NALF1: variants seen among roughly 807,000 people sequenced by gnomAD.
NALF1 encodes NALCN channel auxiliary factor 1.
NALF1 carries 3 observed loss-of-function variants against 48.4 expected under a neutral mutation model. The ratio of observed to expected loss-of-function variants is 0.06; its 90% CI spans 0.03 to 0.16. NALF1 has a LOEUF of 0.16. Ranked by LOEUF, NALF1 falls within the 10% of genes least tolerant of loss-of-function variation. The pLI is 1.00. For missense variants in NALF1, 526 were observed against 571.5 expected (o/e 0.92, Z 0.81); for synonymous variants, 262 against 245.7 (o/e 1.07, Z -0.62).
intron 1 of NALF1, among the ~76,000 whole-genome samples, chr13:107,569,120 C>G (rs886836008): frequency 6.6e-6 from 1 of 152,056 alleles, no homozygotes; most frequent in African/African-American, 2.4e-5. Context: ...AGATACAGGT[C>G]AAAGTTTATC....
At chr13:107,768,676 C>T (rs906804880) in intron 1 of NALF1, among the ~76,000 whole-genome samples, 2 of 151,996 alleles carry the variant, frequency 1.3e-5, no homozygotes, top group South Asian at 4.2e-4. Context: ...GTAATACTAC[C>T]AATAACATTA....
intron 1 of NALF1, among the ~76,000 whole-genome samples, chr13:107,783,285 A>AG (rs1877973665): frequency 1.3e-5 from 1 of 79,208 alleles, no homozygotes; most frequent in African/African-American, 5.5e-5. Flanking sequence ...CCGGGAGGTG[A>AG]GGGGCGCCTC....
At chr13:107,472,085 A>C (rs1885109812) in intron 1 of NALF1, among the ~76,000 whole-genome samples, 1 of 152,312 alleles carries the variant, frequency 6.6e-6, no homozygotes, top group South Asian at 2.1e-4. Flanking sequence ...TAATCTCAGA[A>C]CTTTGGGAGG....
chr13:107,269,167 A>T (rs1032683778), intron 1 of NALF1, among the ~76,000 whole-genome samples: 4 of 83,140 alleles, frequency 4.8e-5, no homozygotes, highest in Non-Finnish European at 9.8e-5. Flanking sequence ...GTCTATGTTT[A>T]AAAAAAAAAA....
At chr13:107,706,013 G>A (rs1166319042) in intron 1 of NALF1, among the ~76,000 whole-genome samples, 2 of 152,150 alleles carry the variant, frequency 1.3e-5, no homozygotes, top group Non-Finnish European at 2.9e-5. Flanking sequence ...CTGAAGACCT[G>A]TCAAAAGCTT....
chr13:107,201,512 G>A (rs1224251253), intron 2 of NALF1, among the ~76,000 whole-genome samples: 1 of 152,124 alleles, frequency 6.6e-6, no homozygotes, highest in Admixed American at 6.5e-5. Context: ...GCGAGGGGGA[G>A]CTTCCAGTGA....
At chr13:107,382,166 T>A (rs936063373) in intron 1 of NALF1, among the ~76,000 whole-genome samples, 2 of 152,224 alleles carry the variant, frequency 1.3e-5, no homozygotes, top group African/African-American at 4.8e-5. Context: ...TTTATAACAT[T>A]TGCTGCACAC....
At chr13:107,643,181 T>C (rs1261463622) in intron 1 of NALF1, among the ~76,000 whole-genome samples, 1 of 152,164 alleles carries the variant, frequency 6.6e-6, no homozygotes, top group Non-Finnish European at 1.5e-5. Flanking sequence ...CCCAAGAAGA[T>C]GTTTATGGCC....
At chr13:107,701,304 T>A (rs1327376648) in intron 1 of NALF1, among the ~76,000 whole-genome samples, 1 of 152,150 alleles carries the variant, frequency 6.6e-6, no homozygotes, top group Non-Finnish European at 1.5e-5. Context: ...ACTATTCAGC[T>A]TTTAAAAAGG....
At chr13:107,330,326 A>G (rs946477288) in intron 1 of NALF1, among the ~76,000 whole-genome samples, 1 of 152,230 alleles carries the variant, frequency 6.6e-6, no homozygotes, top group African/African-American at 2.4e-5. Flanking sequence ...ATATGAGCAC[A>G]TTGTCTCCAT....
rs573788802 is a variant in NALF1, at chr13:107,591,751, C to T, written c.915+273931G>A. 3.8e-4 allele frequency among the ~76,000 whole-genome samples: 58 copies of T among 151,928 alleles called. 1 individual carries two copies. The highest frequency in any genetic ancestry group is 1.3e-3 in the African/African-American group (53 of 41,468). On this transcript the variant is annotated intron_variant, in intron 1 of 2. Coordinates refer to ENST00000375915, the MANE Select transcript of NALF1 (RefSeq NM_001080396.3). The stretch of plus-strand genomic sequence containing the variant: ...ATTCTCAGTATTTGCTTTTCAAACG[C>T]GAAGATATATTTAACTCAATTAAAA...
chr13:107,416,918 T>C, intron 1 of NALF1, among the ~76,000 whole-genome samples: 1 of 152,172 alleles, frequency 6.6e-6, no homozygotes, highest in East Asian at 1.9e-4. Flanking sequence ...ACACCAGTCC[T>C]TACACCCTGT....
rs1328980248 is a variant in NALF1 at position 107,786,388 on chromosome 13, C to T, written c.915+79294G>A. ...CTGAAATCGCACCATTGCACTCCAG[C>T]CTGGGCAACAAGAGCGAAACTCTTT... On this transcript the variant is annotated intron_variant, in intron 1 of 2. Coordinates refer to ENST00000375915, the MANE Select transcript of NALF1 (RefSeq NM_001080396.3). Among the ~76,000 whole-genome samples the T allele has an allele frequency of 6.3e-4, 85 of 135,046 alleles. 1 individual carries two copies. Among genetic ancestry groups the T allele is most frequent in the African/African-American group, 2.2e-3 (78 of 35,800 alleles). The allele number at this position is 135,046 out of a possible 152,430, so 88.6% of individuals were successfully genotyped here. A position where few individuals can be genotyped will look rare whatever the true frequency, so the allele number is the denominator to read the frequency against.
intron 1 of NALF1, among the ~76,000 whole-genome samples, chr13:107,387,616 T>A (rs541711345): frequency 6.6e-6 from 1 of 152,278 alleles, no homozygotes; most frequent in East Asian, 1.9e-4. Context: ...TGATCACTTC[T>A]GATCCGAGAT....
At chr13:107,382,694 T>C (rs1182952669) in intron 1 of NALF1, among the ~76,000 whole-genome samples, 2 of 152,204 alleles carry the variant, frequency 1.3e-5, no homozygotes, top group Non-Finnish European at 1.5e-5. Context: ...TGTCCTTCCT[T>C]GTCCTCATAA....
chr13:107,651,499 T>C (rs1219045575), intron 1 of NALF1, among the ~76,000 whole-genome samples: 2 of 152,214 alleles, frequency 1.3e-5, no homozygotes. Flanking sequence ...CAAAACTATG[T>C]TTGAAAGTAT....
rs545663064 is a variant in NALF1, at chr13:107,758,549, G to A, written c.915+107133C>T. ...ATCCTGGCTAACATAGTGAAACCCCGTCTCTACTAAAAATACAAAAAATTA... is the reference window on the plus strand; with the variant it reads ...ATCCTGGCTAACATAGTGAAACCCCATCTCTACTAAAAATACAAAAAATTA... On this transcript the variant is annotated intron_variant, in intron 1 of 2. Transcript: ENST00000375915. Among the ~76,000 whole-genome samples, 77 of 151,918 alleles carry A rather than the reference G, an allele frequency of 5.1e-4. 2 individuals are homozygous for A. The South Asian group carries it at 8.3e-3, about 16-fold the overall frequency.
intron 1 of NALF1, among the ~76,000 whole-genome samples, chr13:107,471,177 A>G (rs1885094474): frequency 6.6e-6 from 1 of 152,198 alleles, no homozygotes. Context: ...TGTGCGCATA[A>G]CGCTATTTAT....
At chr13:107,544,364 C>T (rs920298307) in intron 1 of NALF1, among the ~76,000 whole-genome samples, 1 of 152,132 alleles carries the variant, frequency 6.6e-6, no homozygotes, top group African/African-American at 2.4e-5. Flanking sequence ...AGTTCAGAGA[C>T]TACTTTATTT....
Sources: gnomAD v4.1 joint callset for allele counts (sites outside exome capture counted in the v4.1 genomes callset) on GRCh38, gnomAD v4.1.1 for gene constraint, MANE v1.5 for transcripts, NCBI Gene and HGNC (gene_info 2026-07-23, HGNC 2026-07-21) for gene names.